The following COL27A1 variants were observed in gnomAD, a reference collection of about 807,000 sequenced individuals.
The protein encoded by COL27A1 is collagen alpha-1(XXVII) chain.
COL27A1 carries 106 observed loss-of-function variants against 251.3 expected under a neutral mutation model. That is an observed-to-expected ratio of 0.42 (90% CI 0.36 to 0.50). COL27A1 has a LOEUF of 0.50. Among genes scored for constraint, COL27A1 ranks in the 20% least tolerant of loss-of-function variants. The probability of loss-of-function intolerance (pLI) is 0.00; values close to 1 mark genes in which losing one functional copy is unlikely to be tolerated. For synonymous variants in COL27A1, 1,000 were observed against 986.3 expected, an observed-to-expected ratio of 1.01 and a Z score of -0.26; for missense variants, 2,325 against 2,522.8, an observed-to-expected ratio of 0.92 and a Z score of 1.68.
In COL27A1 at chr9:114,300,030, A is replaced by G. The variant is rs962250803; in HGVS notation, c.4585-40A>G. ...AGGTGGCTGGCGGGACACGCTGACC[A>G]TGAGCTCACTCGCTCCATCACTTCC... On this transcript the variant is annotated intron_variant, in intron 49 of 60. Coordinates refer to ENST00000356083, the MANE Select transcript of COL27A1 (RefSeq NM_032888.4). The G allele has an allele frequency of 2.5e-6, 4 of 1,610,318 alleles. No homozygotes were observed. The African/African-American group carries it at 4.0e-5, about 16-fold the overall frequency.
intron 14 of COL27A1, among the ~76,000 whole-genome samples, chr9:114,223,716 A>G (rs1831272721): frequency 6.6e-6 from 1 of 152,168 alleles, no homozygotes; most frequent in Non-Finnish European, 1.5e-5. Flanking sequence ...CACTCATGTA[A>G]TCACAATCCT....
At chr9:114,204,022 C>T (rs145177650) in intron 7 of COL27A1, among the ~76,000 whole-genome samples, 1 of 152,112 alleles carries the variant, frequency 6.6e-6, no homozygotes, top group East Asian at 1.9e-4. Flanking sequence ...CCTGGGTAAA[C>T]GGCAGCACAT....
At chr9:114,301,980 C>A in intron 55 of COL27A1, 102 bp from the exon 56 acceptor site, 2 of 1,185,688 alleles carry the variant, frequency 1.7e-6, no homozygotes, top group Non-Finnish European at 2.5e-6. Flanking sequence ...GCCAGCTTGG[C>A]AGGTCCTGCA....
intron 12 of COL27A1, among the ~76,000 whole-genome samples, chr9:114,212,317 A>C (rs1324936623): frequency 6.6e-6 from 1 of 152,254 alleles, no homozygotes; most frequent in Non-Finnish European, 1.5e-5. Flanking sequence ...GACCTCAGGC[A>C]AGGAGATTTG....
chr9:114,270,800 C>T lies in COL27A1; in HGVS notation c.3609+19C>T. The T allele has an allele frequency of 1.2e-6, 2 of 1,605,656 alleles. No individual in the cohort carries two copies. On this transcript the variant is annotated intron_variant, in intron 36 of 60. Transcript: ENST00000356083. Reference sequence around the variant, plus strand: ...GCTGAAGGTAAGTGCCCTTTTAGGGCAGGGCCTGGGGACCCCGGCAGGGCA... The same window carrying T: ...GCTGAAGGTAAGTGCCCTTTTAGGGTAGGGCCTGGGGACCCCGGCAGGGCA...
chr9:114,184,723 A>T (rs1828197546), intron 5 of COL27A1, among the ~76,000 whole-genome samples: 1 of 152,128 alleles, frequency 6.6e-6, no homozygotes, highest in South Asian at 2.1e-4. Context: ...ACCTAAAGAG[A>T]TGGGTGGAGA....
chr9:114,214,599 G>A (rs1464636655), intron 12 of COL27A1, among the ~76,000 whole-genome samples: 5 of 152,228 alleles, frequency 3.3e-5, no homozygotes, highest in Non-Finnish European at 7.3e-5. Context: ...AGCCCAGGGA[G>A]GGCAAGACAC....
At chr9:114,194,770 C>T (rs1042412141) in intron 6 of COL27A1, among the ~76,000 whole-genome samples, 13 of 152,198 alleles carry the variant, frequency 8.5e-5, no homozygotes, top group South Asian at 2.1e-4. Context: ...TGGCTTTCTG[C>T]GGGGTCTGCT....
At chr9:114,237,977 TGTG>T (rs1832511137) in intron 19 of COL27A1, among the ~76,000 whole-genome samples, 1 of 152,206 alleles carries the variant, frequency 6.6e-6, no homozygotes, top group Admixed American at 6.5e-5. Flanking sequence ...ACCGCAGCTT[TGTG>T]ATTCATGAAA....
At chr9:114,243,705 G>C in intron 23 of COL27A1, 145 bp downstream of exon 23, 1 of 644,256 alleles carries the variant, frequency 1.6e-6, no homozygotes. Flanking sequence ...ATTGGTAAGG[G>C]AGAAAAAAAT....
intron 12 of COL27A1, 30 bp downstream of exon 12, chr9:114,211,056 C>T (rs756648582): frequency 1.1e-5 from 18 of 1,612,612 alleles, no homozygotes; most frequent in Admixed American, 1.7e-5. Flanking sequence ...ATTACGCAGA[C>T]TCTAGCGGGG....
intron 1 of COL27A1, among the ~76,000 whole-genome samples, chr9:114,158,308 C>T (rs1361255721): frequency 6.6e-6 from 1 of 152,186 alleles, no homozygotes; most frequent in Non-Finnish European, 1.5e-5. Context: ...TTTCTAAGAT[C>T]CTGTGTGTTT....
chr9:114,182,802 G>A (rs2135174417), intron 4 of COL27A1, among the ~76,000 whole-genome samples: 1 of 152,264 alleles, frequency 6.6e-6, no homozygotes, highest in East Asian at 1.9e-4. Flanking sequence ...AGGTTAACAG[G>A]ATCAAATGAG....
chr9:114,214,869 C>T (rs1355543398), intron 12 of COL27A1, among the ~76,000 whole-genome samples: 1 of 152,252 alleles, frequency 6.6e-6, no homozygotes, highest in Non-Finnish European at 1.5e-5. Context: ...CCTGGCCTGT[C>T]CTGGCTTGTT....
At chr9:114,186,826 C>T (rs1040362447) in intron 5 of COL27A1, among the ~76,000 whole-genome samples, 2 of 124,028 alleles carry the variant, frequency 1.6e-5, no homozygotes, top group Non-Finnish European at 3.4e-5. Flanking sequence ...CTGGAGCTGC[C>T]CCTGGGGCAG....
At chr9:114,208,638 G>C (rs1564470270) in intron 10 of COL27A1, among the ~76,000 whole-genome samples, 1 of 152,118 alleles carries the variant, frequency 6.6e-6, no homozygotes, top group Non-Finnish European at 1.5e-5. Context: ...GCAGATAGTG[G>C]TAGAAGCCCC....
Position 114,206,878 on chromosome 9 carries a change from C to A in COL27A1, c.2268+582C>A, listed in dbSNP as rs527437268. 2.0e-5 allele frequency among the ~76,000 whole-genome samples: 3 copies of A among 152,366 alleles called. No individual in the cohort carries two copies. In the South Asian group the frequency reaches 6.2e-4, roughly 32 times the overall value. ...GTCTGGTTATGTCAAGCTGACTTGACAGCTCAGGAGGGGGCCACCAGGTGG... is the reference window on the plus strand; with the variant it reads ...GTCTGGTTATGTCAAGCTGACTTGAAAGCTCAGGAGGGGGCCACCAGGTGG... On this transcript the variant is annotated intron_variant, in intron 10 of 60. Coordinates refer to ENST00000356083, the MANE Select transcript of COL27A1 (RefSeq NM_032888.4).
At chr9:114,234,553 G>A (rs940488626) in intron 16 of COL27A1, among the ~76,000 whole-genome samples, 1 of 152,120 alleles carries the variant, frequency 6.6e-6, no homozygotes. Flanking sequence ...TCGGCCCTAA[G>A]GGGAAGCAGC....
intron 16 of COL27A1, among the ~76,000 whole-genome samples, chr9:114,234,220 A>AG (rs1832185886): frequency 6.6e-6 from 1 of 151,550 alleles, no homozygotes; most frequent in Admixed American, 6.6e-5. Context: ...ATTAAAAAAA[A>AG]AAAAAAAAAA....
Sources: allele counts gnomAD v4.1 joint callset (sites outside exome capture counted in the v4.1 genomes callset), GRCh38; gene constraint gnomAD v4.1.1; transcripts MANE v1.5; gene names NCBI Gene and HGNC (gene_info 2026-07-23, HGNC 2026-07-21).